The following CHFR variants were observed in gnomAD, a reference collection of about 807,000 sequenced individuals.
CHFR encodes E3 ubiquitin-protein ligase CHFR.
A neutral mutation model predicts 87.6 loss-of-function variants in CHFR; 57 were observed. The ratio of observed to expected loss-of-function variants is 0.65; its 90% CI spans 0.53 to 0.81. The LOEUF is 0.81. Among genes scored for constraint, CHFR ranks in the 30% least tolerant of loss-of-function variants. The pLI is 0.00. For missense variants in CHFR, 797 were observed against 865.8 expected (o/e 0.92, Z 1.00); for synonymous variants, 381 against 359.2 (o/e 1.06, Z -0.69).
chr12:132,846,011 T>G (rs926598928), intron 15 of CHFR, among the ~76,000 whole-genome samples: 1 of 152,186 alleles, frequency 6.6e-6, no homozygotes, highest in African/African-American at 2.4e-5. Context: ...AGGGGCAGCC[T>G]TTACTCACTA....
At position 132,857,432 on chromosome 12, in the gene CHFR, C is replaced by T. The variant is rs775898959; in HGVS notation, c.1039G>A (p.Val347Met). Reference sequence around the variant, plus strand: ...GGATGCTGGATGAGGTATGCTTCCACGAGGTTGTTGAGGATGTGGTTTTTA... The same window carrying T: ...GGATGCTGGATGAGGTATGCTTCCATGAGGTTGTTGAGGATGTGGTTTTTA... ...ICKNHILNNL[V>M]EAYLIQHPDK... Residue 347 changes from valine (V) to methionine (M), a missense_variant, in exon 9 of 18, where the codon GTG becomes ATG. Val to Met is a conservative substitution (Grantham distance 21). This residue lies in a region of CHFR where 597 missense variants were observed against 601.2 expected (regional missense o/e 0.99). Transcript: ENST00000450056. The T allele has an allele frequency of 1.4e-5, 23 of 1,613,984 alleles. No homozygotes were observed. The highest frequency in any genetic ancestry group is 1.3e-4 in the African/African-American group (10 of 74,908).
In CHFR at chr12:132,868,306, C is replaced by T. The variant is rs146218621; in HGVS notation, c.583+1313G>A. 6.4e-3 allele frequency among the ~76,000 whole-genome samples: 968 copies of T among 152,188 alleles called. 4 individuals carry two copies. The highest frequency in any genetic ancestry group is 0.017 in the South Asian group (80 of 4,828). On this transcript the variant is annotated intron_variant, in intron 6 of 17. Transcript: ENST00000450056. ...GAGATCGAGACCATCCTGGCTAACA[C>T]GGTGAAACTCCGTCTCTACTAAAAA... is the stretch of plus-strand genomic sequence containing the variant.
At position 132,833,185 on chromosome 12, in the gene CHFR, C is replaced by T. The variant is rs1950627465; in HGVS notation, c.*8369G>A. ...AGCACTATTCTGCGTGCGGGGGGTC[C>T]CTGCTTTGGTCCAGTTTCATGTTTG... On this transcript the variant is annotated 3_prime_UTR_variant, in exon 18 of 18. Transcript: ENST00000450056. 1 of 152,174 alleles carries T rather than the reference C, an allele frequency of 6.6e-6. No homozygotes were observed. Among genetic ancestry groups the T allele is most frequent in the South Asian group, 2.1e-4 (1 of 4,834 alleles). 9.4% of individuals were successfully genotyped at this position (152,174 alleles called of 1,614,324 possible).
chr12:132,887,241 G>C lies in CHFR; in HGVS notation c.88C>G (p.His30Asp). The C allele has an allele frequency of 6.6e-7, 1 of 1,504,302 alleles. No homozygotes were observed. The highest frequency in any genetic ancestry group is 8.8e-7 in the Non-Finnish European group (1 of 1,133,290). 93.2% of individuals were successfully genotyped at this position (1,504,302 alleles called of 1,614,324 possible). A position where few individuals can be genotyped will look rare whatever the true frequency, so the allele number is the denominator to read the frequency against. The part of the protein sequence containing the change: ...LRLGAEEGEP[H>D]VLLRKREWTI... ...CACTCCCGCTTCCTCAGGAGGACGT[G>C]CGGCTCGCCCTCCTCCGCGCCCAGA... Residue 30 changes from histidine (H) to aspartate (D), a missense_variant, in exon 2 of 18, where the codon CAC becomes GAC. Physicochemically the swap from His to Asp is moderately conservative, Grantham distance 81. Transcript: ENST00000450056.
chr12:132,868,241 T>C (rs1202506555), intron 6 of CHFR, among the ~76,000 whole-genome samples: 1 of 152,156 alleles, frequency 6.6e-6, no homozygotes, highest in Non-Finnish European at 1.5e-5. Flanking sequence ...CCTGTAATCC[T>C]AGCACTTTGG....
chr12:132,873,454 A>C (rs1237991177), intron 3 of CHFR, among the ~76,000 whole-genome samples: 2 of 152,226 alleles, frequency 1.3e-5, no homozygotes, highest in Non-Finnish European at 2.9e-5. Context: ...AGCTGTGCAG[A>C]TGCACTTATA....
intron 7 of CHFR, among the ~76,000 whole-genome samples, 186 bp from the exon 8 acceptor site, chr12:132,859,413 C>T (rs1195817640): frequency 2.0e-5 from 3 of 151,974 alleles, no homozygotes; most frequent in Non-Finnish European, 2.9e-5. Flanking sequence ...TGCAGTGGCG[C>T]GATCTCGGCT....
chr12:132,841,347 A>C lies in CHFR; in HGVS notation c.*207T>G. 1.8e-6 allele frequency: 1 copy of C among 566,950 alleles called. No homozygotes were observed. 35.1% of individuals were successfully genotyped at this position (566,950 alleles called of 1,614,324 possible). On this transcript the variant is annotated 3_prime_UTR_variant, in exon 18 of 18. Coordinates refer to ENST00000450056, the MANE Select transcript of CHFR (RefSeq NM_001161346.2). ...CGAGCCCTGCCCAGCGCTCACCAGG[A>C]GGGCGGGCTGCGGCCCCCGGGGCTC... is the stretch of plus-strand genomic sequence containing the variant.
chr12:132,851,266 C>T (rs907074444), intron 12 of CHFR, among the ~76,000 whole-genome samples: 1 of 152,142 alleles, frequency 6.6e-6, no homozygotes, highest in African/African-American at 2.4e-5. Context: ...GCTGGGATTA[C>T]AGACGTGAGC....
At position 132,841,344 on chromosome 12, in the gene CHFR, A is replaced by T; in HGVS notation, c.*210T>A. Reference sequence around the variant, plus strand: ...CCACGAGCCCTGCCCAGCGCTCACCAGGAGGGCGGGCTGCGGCCCCCGGGG... The same window carrying T: ...CCACGAGCCCTGCCCAGCGCTCACCTGGAGGGCGGGCTGCGGCCCCCGGGG... On this transcript the variant is annotated 3_prime_UTR_variant, in exon 18 of 18. Transcript: ENST00000450056. 1.8e-6 allele frequency: 1 copy of T among 564,634 alleles called. No homozygotes were observed. 35.0% of individuals were successfully genotyped at this position (564,634 alleles called of 1,614,324 possible).
At chr12:132,887,091 C>G in intron 2 of CHFR, 105 bp downstream of exon 2, 1 of 978,162 alleles carries the variant, frequency 1.0e-6, no homozygotes, top group Non-Finnish European at 1.4e-6. Flanking sequence ...CATTTCACTC[C>G]ACGGAAAAAT....
intron 3 of CHFR, among the ~76,000 whole-genome samples, chr12:132,874,960 A>G (rs1461656462): frequency 1.3e-5 from 2 of 150,408 alleles, no homozygotes; most frequent in South Asian, 4.2e-4. Context: ...CAGCACGGGG[A>G]AGCCAGGCCC....
At chr12:132,841,624 CAA>C (rs753426670) in intron 17 of CHFR, 28 bp from the exon 18 acceptor site, 118 of 1,591,660 alleles carry the variant, frequency 7.4e-5, no homozygotes, top group Middle Eastern at 5.0e-4. Context: ...CCAAATTACA[CAA>C]GAGAGCATTG....
chr12:132,863,046 G>A (rs1282563700), intron 6 of CHFR, among the ~76,000 whole-genome samples: 8 of 145,832 alleles, frequency 5.5e-5, no homozygotes, highest in East Asian at 4.2e-4. Flanking sequence ...ACAGGTGCCC[G>A]CCACCACGCC....
Position 132,869,644 on chromosome 12 carries a change from T to A in CHFR, c.558A>T (p.Ala186=). 1 of 1,551,608 alleles carries A rather than the reference T, an allele frequency of 6.4e-7. No individual in the cohort carries two copies. The highest frequency in any genetic ancestry group is 8.7e-7 in the Non-Finnish European group (1 of 1,146,970). Residue 186 remains alanine, a synonymous_variant, in exon 6 of 18, where the codon GCA becomes GCT. Transcript: ENST00000450056. Reference sequence around the variant, plus strand: ...CACAACTGGAGGAACGCTCTCGCCCTGCAGGAGAAGGCTCCGTGGAAGAGG... The same window carrying A: ...CACAACTGGAGGAACGCTCTCGCCCAGCAGGAGAAGGCTCCGTGGAAGAGG... ...ASASSTEPSP[A]GRERSSSCGS... is the part of the protein sequence containing the mutation.
At chr12:132,871,659 C>G (rs1286562246) in intron 4 of CHFR, among the ~76,000 whole-genome samples, 5 of 152,020 alleles carry the variant, frequency 3.3e-5, no homozygotes, top group Non-Finnish European at 7.4e-5. Context: ...ATAATCCCAG[C>G]TACTCAGGAG....
intron 3 of CHFR, among the ~76,000 whole-genome samples, chr12:132,874,732 A>G (rs908696251): frequency 4.7e-5 from 7 of 150,512 alleles, no homozygotes; most frequent in Non-Finnish European, 1.0e-4. Context: ...GCCCGGGACC[A>G]GCACCCAGCG....
rs748387119 is a variant in CHFR at position 132,861,447 on chromosome 12, A to T, written c.751+20T>A. On this transcript the variant is annotated intron_variant, in intron 7 of 17. Coordinates refer to ENST00000450056, the MANE Select transcript of CHFR (RefSeq NM_001161346.2). ...AGGAGCACACGAGAGGACTGAGGACACACACAACCAGACACTAACCTCCTC... is the reference window on the plus strand; with the variant it reads ...AGGAGCACACGAGAGGACTGAGGACTCACACAACCAGACACTAACCTCCTC... 4 of 1,611,944 alleles carry T rather than the reference A, an allele frequency of 2.5e-6. No individual in the cohort carries two copies. Among genetic ancestry groups the T allele is most frequent in the Non-Finnish European group, 1.7e-6 (2 of 1,178,128 alleles).
chr12:132,872,450 A>AT (rs1441432165), intron 3 of CHFR, 56 bp from the exon 4 acceptor site: 27 of 1,353,714 alleles, frequency 2.0e-5, no homozygotes, highest in Non-Finnish European at 2.3e-5. Context: ...GAGTTACAAG[A>AT]TTTTTTTTCT....
Sources: gnomAD v4.1 joint callset for allele counts (sites outside exome capture counted in the v4.1 genomes callset) on GRCh38, gnomAD v4.1.1 for gene constraint, gnomAD v4.1.1 regional missense constraint, MANE v1.5 for transcripts, NCBI Gene and HGNC (gene_info 2026-07-23, HGNC 2026-07-21) for gene names.